Variants in ZNF362 observed in about 807,000 individuals in gnomAD.
ZNF362 encodes the protein rotund homolog.
A neutral mutation model predicts 42.9 loss-of-function variants in ZNF362; 11 were observed. The ratio of observed to expected loss-of-function variants is 0.26; its 90% confidence interval spans 0.16 to 0.42. The LOEUF is 0.42. ZNF362 is among the 20% of genes least tolerant of loss of function. The pLI, the probability that ZNF362 is intolerant of heterozygous loss-of-function variation, is 1.00. For missense variants in ZNF362, 362 were observed against 576.2 expected, an observed-to-expected ratio of 0.63 and a Z score of 3.81; for synonymous variants, 255 against 257.3, an observed-to-expected ratio of 0.99 and a Z score of 0.09.
the ZNF362 span, among the ~76,000 whole-genome samples, chr1:33,225,126 C>A: frequency 1.3e-5 from 2 of 152,150 alleles, no homozygotes; most frequent in Non-Finnish European, 2.9e-5. Context: ...ACACTATAGA[C>A]TCTTCACACT....
the ZNF362 span, among the ~76,000 whole-genome samples, chr1:33,239,573 G>A: frequency 2.0e-5 from 3 of 152,256 alleles, no homozygotes; most frequent in Admixed American, 1.3e-4. Flanking sequence ...CATGGCGGAA[G>A]GCAAAGGAGA....
chr1:33,175,699 GCC>G, the ZNF362 span, among the ~76,000 whole-genome samples: 62 of 152,074 alleles, frequency 4.1e-4, 1 homozygote, highest in African/African-American at 1.3e-3. Flanking sequence ...GAATCTCTCA[GCC>G]TCATTTTCTT....
the ZNF362 span, among the ~76,000 whole-genome samples, chr1:33,236,531 TAA>T: frequency 0.031 from 130 of 4,190 alleles, 7 homozygotes; most frequent in South Asian, 0.33. Flanking sequence ...CTCTGCCTCT[TAA>T]AAAAAAAAAA....
At chr1:33,272,205 G>T (rs1645909340) in intron 2 of ZNF362, among the ~76,000 whole-genome samples, 1 of 152,172 alleles carries the variant, frequency 6.6e-6, no homozygotes, top group African/African-American at 2.4e-5. Flanking sequence ...CTGGAAGGTG[G>T]GCCATAAGCT....
the ZNF362 span, among the ~76,000 whole-genome samples, chr1:33,221,080 G>T: frequency 6.6e-6 from 1 of 152,182 alleles, no homozygotes; most frequent in African/African-American, 2.4e-5. Flanking sequence ...GTATGTGAAG[G>T]GTGGTGCTGG....
chr1:33,147,149 A>G, the ZNF362 span: 2 of 1,604,590 alleles, frequency 1.2e-6, no homozygotes, highest in African/African-American at 2.7e-5. This position sits in a 1 kb window ranked among gnomAD's most constrained non-coding sequence, Gnocchi z 8.1. Flanking sequence ...CAGTGGTCCC[A>G]GGAGGTTGTG....
chr1:33,203,307 CT>C, the ZNF362 span, among the ~76,000 whole-genome samples: 1 of 152,040 alleles, frequency 6.6e-6, no homozygotes, highest in Admixed American at 6.6e-5. Flanking sequence ...GCAGGATCTC[CT>C]TTTTTAAGGC....
At chr1:33,150,995 A>G in the ZNF362 span, among the ~76,000 whole-genome samples, 1 of 152,152 alleles carries the variant, frequency 6.6e-6, no homozygotes, top group Non-Finnish European at 1.5e-5. Flanking sequence ...ACCGAGGCTC[A>G]GGGCAGAAGG....
At chr1:33,256,297 C>A (rs1645789327), upstream of ZNF362, among the ~76,000 whole-genome samples, 1 of 143,628 alleles carries the variant, frequency 7.0e-6, no homozygotes. Flanking sequence ...CAGTCGCCAG[C>A]GCCCGGCGCT....
the ZNF362 span, among the ~76,000 whole-genome samples, chr1:33,232,205 G>T: frequency 6.6e-6 from 1 of 152,160 alleles, no homozygotes; most frequent in African/African-American, 2.4e-5. Flanking sequence ...GGACCTAAGG[G>T]GAAGTCTGAT....
chr1:33,281,400 C>T lies in ZNF362; in HGVS notation c.684-187C>T, dbSNP rs1645993130. Among the ~76,000 whole-genome samples the T allele has an allele frequency of 6.6e-6, 1 of 152,146 alleles. No individual in the cohort carries two copies. Among genetic ancestry groups the T allele is most frequent in the Non-Finnish European group, 1.5e-5 (1 of 68,016 alleles). On this transcript the variant is annotated intron_variant, in intron 5 of 8. Coordinates refer to ENST00000539719, the MANE Select transcript of ZNF362 (RefSeq NM_152493.3). This position sits in a 1 kb window ranked among gnomAD's most constrained non-coding sequence, Gnocchi z 4.8. ...TAATGTTCCCCCAGGCAAGAGCTTC[C>T]TCCTCCAGATTTAAGGGTGCCCAGG...
At chr1:33,214,464 G>C in the ZNF362 span, among the ~76,000 whole-genome samples, 1 of 152,058 alleles carries the variant, frequency 6.6e-6, no homozygotes, top group African/African-American at 2.4e-5. Flanking sequence ...TACCTCAAAG[G>C]CACAGACAAC....
the ZNF362 span, among the ~76,000 whole-genome samples, chr1:33,144,984 G>A: frequency 6.6e-6 from 1 of 152,180 alleles, no homozygotes; most frequent in African/African-American, 2.4e-5. Context: ...TCTTCCATGT[G>A]GGAAAACTGA....
At chr1:33,282,826 A>G (rs1646005718) in intron 6 of ZNF362, among the ~76,000 whole-genome samples, 1 of 73,666 alleles carries the variant, frequency 1.4e-5, no homozygotes, top group African/African-American at 3.2e-5. Flanking sequence ...CTGTCTCAAG[A>G]GAAAAAAAAA....
chr1:33,146,815 C>T, the ZNF362 span: 1 of 307,080 alleles, frequency 3.3e-6, no homozygotes, highest in East Asian at 7.4e-5. Context: ...AACTACTGGC[C>T]ATGCTCTGAC....
chr1:33,180,997 C>G, the ZNF362 span: 1 of 1,538,828 alleles, frequency 6.5e-7, no homozygotes, highest in African/African-American at 1.4e-5. Context: ...CGGCCCCGCC[C>G]CTTCCCCAGG....
chr1:33,272,839 G>A (rs1047494647), intron 2 of ZNF362, among the ~76,000 whole-genome samples: 1 of 152,224 alleles, frequency 6.6e-6, no homozygotes, highest in Non-Finnish European at 1.5e-5. Context: ...TCTCTTTGGT[G>A]TCTTTGGGTG....
At chr1:33,200,056 AAAAC>A in the ZNF362 span, 1 of 152,916 alleles carries the variant, frequency 6.5e-6, no homozygotes, top group Non-Finnish European at 1.5e-5. Flanking sequence ...ACAAAACAAA[AAAAC>A]CAGTAAAATA....
upstream of ZNF362, among the ~76,000 whole-genome samples, chr1:33,255,291 C>T (rs1233030450): frequency 2.0e-5 from 3 of 152,228 alleles, no homozygotes; most frequent in Non-Finnish European, 4.4e-5. Flanking sequence ...TTACTAGGTC[C>T]TCTATGAATA....
Sources: allele counts gnomAD v4.1 joint callset (sites outside exome capture counted in the v4.1 genomes callset), GRCh38; gene constraint gnomAD v4.1.1; non-coding constraint Gnocchi (gnomAD v3.1); transcripts MANE v1.5; gene names NCBI Gene and HGNC (gene_info 2026-07-23, HGNC 2026-07-21).